Variants in LDHD observed in about 807,000 individuals in gnomAD.
The protein encoded by LDHD is lactate dehydrogenase D, also known as D-lactate dehydrogenase, mitochondrial.
A neutral mutation model predicts 52.9 loss-of-function variants in LDHD; 58 were observed. The ratio of observed to expected loss-of-function variants is 1.10; its 90% CI spans 0.89 to 1.36. The LOEUF is 1.36. Among genes scored for constraint, LDHD ranks in the 40% most tolerant of loss-of-function variants. LDHD has a pLI of 0.00. For synonymous variants in LDHD, 350 were observed against 288.6 expected (o/e 1.21, Z -2.16); for missense variants, 747 against 668.0 (o/e 1.12, Z -1.30).
chr16:75,113,268 ACAG>A (rs1027346831), intron 8 of LDHD, among the ~76,000 whole-genome samples: 52 of 152,174 alleles, frequency 3.4e-4, no homozygotes, highest in African/African-American at 1.3e-3. Flanking sequence ...CCTTCCATGT[ACAG>A]CTCCCAAGAG....
chr16:75,112,446 C>T lies in LDHD; in HGVS notation c.1365G>A (p.Glu455=), dbSNP rs1567501029. The change falls in exon 11 of 11, where the codon GAG becomes GAA. Residue 455 remains glutamate (E), a synonymous_variant. Coordinates refer to ENST00000450168, the MANE Select transcript of LDHD (RefSeq NM_194436.3). The stretch of plus-strand genomic sequence containing the variant: ...TCTCCACGCCCACGGCGCCCACCTC[C>T]TCCTGCAGCAGCTGCCGCTTGCCCA... The part of the protein sequence containing the change: ...IGMGKRQLLQ[E]EVGAVGVETM... The T allele has an allele frequency of 6.2e-7, 1 of 1,613,472 alleles. No individual in the cohort carries two copies. The highest frequency in any genetic ancestry group is 8.5e-7 in the Non-Finnish European group (1 of 1,180,026).
chr16:75,114,509 C>T lies in LDHD; in HGVS notation c.629+17G>A, dbSNP rs986030582. ...TGCCCAGGGCCAGAGCCCGGGCCCC[C>T]CGCAGAGGGCGCTCACCGGAAATGC... On this transcript the variant is annotated intron_variant, in intron 5 of 10. Coordinates refer to ENST00000450168, the MANE Select transcript of LDHD (RefSeq NM_194436.3). The T allele has an allele frequency of 4.0e-6, 6 of 1,500,722 alleles. No individual in the cohort carries two copies. In the African/African-American group the frequency reaches 5.5e-5, roughly 14 times the overall value. The allele number at this position is 1,500,722 out of a possible 1,614,324, so 93.0% of individuals were successfully genotyped here. A position where few individuals can be genotyped will look rare whatever the true frequency, so the allele number is the denominator to read the frequency against.
intron 1 of LDHD, among the ~76,000 whole-genome samples, chr16:75,116,184 G>A (rs2036552262): frequency 6.6e-6 from 1 of 152,208 alleles, no homozygotes; most frequent in African/African-American, 2.4e-5. Flanking sequence ...CCCAGCCACA[G>A]GGAACTCAGA....
rs1462195852 is a variant in LDHD at position 75,112,006 on chromosome 16, C to T, written c.*350G>A. ...GTGAAGGGGGAAGGGTCCTGGGACC[C>T]CGGCAGTGGGAGGCCTCGGGGAGGG... On this transcript the variant is annotated 3_prime_UTR_variant, in exon 11 of 11. Coordinates refer to ENST00000450168, the MANE Select transcript of LDHD (RefSeq NM_194436.3). 8.3e-6 allele frequency: 2 copies of T among 241,712 alleles called. No individual in the cohort carries two copies. Among genetic ancestry groups the T allele is most frequent in the African/African-American group, 2.2e-5 (1 of 44,580 alleles). 15.0% of individuals were successfully genotyped at this position (241,712 alleles called of 1,614,324 possible).
rs369222603 is a variant in LDHD at position 75,113,691 on chromosome 16, G to A, written c.959-29C>T. The A allele has an allele frequency of 2.4e-5, 39 of 1,612,814 alleles. No individual in the cohort carries two copies. The African/African-American group carries it at 2.7e-4, about 11-fold the overall frequency. On this transcript the variant is annotated intron_variant, in intron 7 of 10. Coordinates refer to ENST00000450168, the MANE Select transcript of LDHD (RefSeq NM_194436.3). ...CAGTTGGGGAAGGGGGGCTGACACCGGGCCGCCACTGAGGCAGCCCACCCT... is the reference window on the plus strand; with the variant it reads ...CAGTTGGGGAAGGGGGGCTGACACCAGGCCGCCACTGAGGCAGCCCACCCT...
intron 3 of LDHD, 42 bp from the exon 4 acceptor site, chr16:75,115,010 C>T: frequency 9.5e-6 from 15 of 1,583,022 alleles, no homozygotes; most frequent in Non-Finnish European, 1.3e-5. Context: ...ACCTGGGTCT[C>T]TGACCTGGCC....
Position 75,113,873 on chromosome 16 carries a change from G to A in LDHD, c.830-3C>T, listed in dbSNP as rs956277797. The A allele has an allele frequency of 6.2e-7, 1 of 1,613,720 alleles. No homozygotes were observed. The highest frequency in any genetic ancestry group is 8.5e-7 in the Non-Finnish European group (1 of 1,180,010). On this transcript the variant is annotated splice_region_variant and splice_polypyrimidine_tract_variant and intron_variant, in intron 6 of 10. Coordinates refer to ENST00000450168, the MANE Select transcript of LDHD (RefSeq NM_194436.3). Reference sequence around the variant, plus strand: ...CATCATGACTTCATCCAGGAACTCTGGATCCAGGGAGATGGCAGGCCAGGT... The same window carrying A: ...CATCATGACTTCATCCAGGAACTCTAGATCCAGGGAGATGGCAGGCCAGGT...
chr16:75,114,480 G>C, intron 5 of LDHD, 46 bp downstream of exon 5: 1 of 1,453,690 alleles, frequency 6.9e-7, no homozygotes, highest in East Asian at 2.5e-5. Context: ...CAGCCCGCCA[G>C]CAGTGCCCAG....
intron 8 of LDHD, among the ~76,000 whole-genome samples, chr16:75,113,255 C>T (rs1302959789): frequency 6.6e-6 from 1 of 152,216 alleles, no homozygotes; most frequent in Non-Finnish European, 1.5e-5. Flanking sequence ...TCCAGGAAGC[C>T]TTCCTTCCAT....
chr16:75,116,276 G>T (rs1259722458), intron 1 of LDHD, among the ~76,000 whole-genome samples: 3 of 152,162 alleles, frequency 2.0e-5, no homozygotes, highest in Non-Finnish European at 4.4e-5. Context: ...TGGGCCCTTC[G>T]TGGGGGGCGG....
rs764348744 is a variant in LDHD at position 75,114,684 on chromosome 16, G to A, written c.471C>T (p.Asp157=). 9 of 1,535,032 alleles carry A rather than the reference G, an allele frequency of 5.9e-6. No individual in the cohort carries two copies. In the South Asian group the frequency reaches 9.5e-5, roughly 16 times the overall value. Residue 157 remains aspartate (D), a splice_region_variant and synonymous_variant, in exon 5 of 11, where the codon GAC becomes GAT. Coordinates refer to ENST00000450168, the MANE Select transcript of LDHD (RefSeq NM_194436.3). The stretch of plus-strand genomic sequence containing the variant: ...CACAGAGAGAGGCGTCCGCGCCTGG[G>A]TCTGGAGGGCGGCGTACAGAAGGCA... ...LRDSGLWFPV[D]PGADASLCGM... is the part of the protein sequence containing the mutation.
At position 75,114,663 on chromosome 16, in the gene LDHD, G is replaced by C. The variant is rs928484854; in HGVS notation, c.492C>G (p.Leu164=). The C allele has an allele frequency of 2.6e-6, 4 of 1,532,838 alleles. No individual in the cohort carries two copies. In the African/African-American group the frequency reaches 4.1e-5, roughly 16 times the overall value. The allele number at this position is 1,532,838 out of a possible 1,614,324, so 95.0% of individuals were successfully genotyped here. The change falls in exon 5 of 11, where the codon CTC becomes CTG. Residue 164 remains leucine, a synonymous_variant. Transcript: ENST00000450168. ...FPVDPGADAS[L]CGMAATGASG... is the part of the protein sequence containing the mutation. ...ACGCCCCGGTGGCCGCCATGCCACA[G>C]AGAGAGGCGTCCGCGCCTGGGTCTG...
Position 75,112,522 on chromosome 16 carries a change from C to T in LDHD, c.1290-1G>A. The stretch of plus-strand genomic sequence containing the variant: ...CGTTCCGTGGAGAGCCAGTGCCCGC[C>T]TGGGGGCAGGAAGGAGACATCCTCA... On this transcript the variant is annotated splice_acceptor_variant, in intron 10 of 10. Transcript: ENST00000450168. LOFTEE classifies it high-confidence loss of function. 1 of 1,613,114 alleles carries T rather than the reference C, an allele frequency of 6.2e-7. No homozygotes were observed. The highest frequency in any genetic ancestry group is 8.5e-7 in the Non-Finnish European group (1 of 1,179,668).
In LDHD at chr16:75,112,409, G is replaced by A. The variant is rs760435326; in HGVS notation, c.1402C>T (p.Leu468Phe). The A allele has an allele frequency of 1.2e-6, 2 of 1,613,490 alleles. No individual in the cohort carries two copies. Among genetic ancestry groups the A allele is most frequent in the South Asian group, 1.1e-5 (1 of 91,084 alleles). Residue 468 changes from leucine (L) to phenylalanine (F), a missense_variant, in exon 11 of 11, where the codon CTC becomes TTC. Coordinates refer to ENST00000450168, the MANE Select transcript of LDHD (RefSeq NM_194436.3). ...GAVGVETMRQLKAVLDPQGLM... is the reference protein window; with the variant it reads ...GAVGVETMRQFKAVLDPQGLM... ...CCTTGGGGGTCTAGCACGGCCTTGA[G>A]CTGCCGCATGGTCTCCACGCCCACG...
Position 75,114,164 on chromosome 16 carries a change from TC to T in LDHD, c.630del (p.Lys211ArgfsTer63), listed in dbSNP as rs755413679. On this transcript the variant is annotated frameshift_variant and splice_region_variant, in exon 6 of 11. Transcript: ENST00000450168. LOFTEE classifies it high-confidence loss of function. ...GTGAGGTTGTAGCCGGCTGCACTCT[TC>T]CTACGTCCCAGGGACACACAAGGTG... ...LHTAGRGRHF[R>X]KSAAGYNLTG... The T allele has an allele frequency of 1.6e-5, 26 of 1,612,304 alleles. No homozygotes were observed. The highest frequency in any genetic ancestry group is 2.1e-5 in the Non-Finnish European group (25 of 1,179,966).
chr16:75,114,357 C>G (rs1362678774), intron 5 of LDHD, 169 bp downstream of exon 5: 1 of 1,415,494 alleles, frequency 7.1e-7, no homozygotes. Flanking sequence ...GAGAGCAAAC[C>G]CTGGTCCCAT....
At chr16:75,114,414 C>A in intron 5 of LDHD, 112 bp downstream of exon 5, 1 of 1,367,022 alleles carries the variant, frequency 7.3e-7, no homozygotes, top group East Asian at 2.5e-5. Flanking sequence ...GGAAGCCTAG[C>A]CTGCCAAACC....
chr16:75,115,473 G>A, intron 2 of LDHD, 75 bp downstream of exon 2: 1 of 1,582,722 alleles, frequency 6.3e-7, no homozygotes, highest in Non-Finnish European at 8.7e-7. Context: ...TGAGGAGGAA[G>A]GCAACCCAGC....
chr16:75,112,706 A>G lies in LDHD; in HGVS notation c.1185T>C (p.Ile395=). The G allele has an allele frequency of 3.1e-6, 5 of 1,613,748 alleles. No individual in the cohort carries two copies. The highest frequency in any genetic ancestry group is 4.2e-6 in the Non-Finnish European group (5 of 1,179,798). The stretch of plus-strand genomic sequence containing the variant: ...AGTTGCCGTCACCCACATGCCCGAC[A>G]ATGCTTCCTGGGGGCCCAGAGGACA... ...DLNASGLTGS[I]VGHVGDGNFH... The change falls in exon 10 of 11, where the codon ATT becomes ATC. Residue 395 remains isoleucine (I), a synonymous_variant. Coordinates refer to ENST00000450168, the MANE Select transcript of LDHD (RefSeq NM_194436.3).
Sources: gnomAD v4.1 joint callset for allele counts (sites outside exome capture counted in the v4.1 genomes callset) on GRCh38, gnomAD v4.1.1 for gene constraint, MANE v1.5 for transcripts, NCBI Gene and HGNC (gene_info 2026-07-23, HGNC 2026-07-21) for gene names.